The following LRP1B variants were observed in gnomAD, a reference collection of about 807,000 sequenced individuals.
LRP1B encodes low-density lipoprotein receptor-related protein 1B.
A neutral mutation model predicts 556.6 loss-of-function variants in LRP1B; 217 were observed. That is an observed-to-expected ratio of 0.39 (90% confidence interval 0.35 to 0.44). The LOEUF is 0.44. LRP1B is among the 20% of genes least tolerant of loss of function. LRP1B has a pLI of 1.00. For missense variants in LRP1B, 5,053 were observed against 5,620.8 expected, an observed-to-expected ratio of 0.90 and a Z score of 3.23; for synonymous variants, 2,047 against 1,865.8, an observed-to-expected ratio of 1.10 and a Z score of -2.50.
At chr2:140,948,042 A>T (rs374520502) in intron 20 of LRP1B, among the ~76,000 whole-genome samples, 2 of 152,204 alleles carry the variant, frequency 1.3e-5, no homozygotes, top group Non-Finnish European at 2.9e-5. Context: ...GCCTACAAAG[A>T]GGTGTGCCAC....
intron 2 of LRP1B, among the ~76,000 whole-genome samples, chr2:141,522,968 T>C (rs1051065105): frequency 2.6e-5 from 4 of 152,126 alleles, no homozygotes; most frequent in African/African-American, 9.7e-5. Context: ...ATCAGTATTT[T>C]TCAGGCTTCA....
At chr2:141,420,279 T>C (rs369070263) in intron 3 of LRP1B, among the ~76,000 whole-genome samples, 7 of 152,186 alleles carry the variant, frequency 4.6e-5, no homozygotes, top group Admixed American at 1.3e-4. Flanking sequence ...TATGAGACGG[T>C]GTTTGACTCA....
chr2:141,917,683 A>G (rs1700075438), intron 1 of LRP1B, among the ~76,000 whole-genome samples: 1 of 152,188 alleles, frequency 6.6e-6, no homozygotes, highest in Non-Finnish European at 1.5e-5. Flanking sequence ...TACATTAACC[A>G]CTATCTACTG....
rs758447229 is a variant in LRP1B at position 141,949,339 on chromosome 2, T to C, written c.83-138938A>G. On this transcript the variant is annotated intron_variant, in intron 1 of 90. Transcript: ENST00000389484. The stretch of plus-strand genomic sequence containing the variant: ...TTCAGAAATTCACCAAAATGTATTG[T>C]AAATTCATTGTGTAGGCATGGATTT... Among the ~76,000 whole-genome samples the C allele has an allele frequency of 5.5e-4, 84 of 152,346 alleles. 1 individual carries two copies. Among genetic ancestry groups the C allele is most frequent in the Middle Eastern group, 6.8e-3 (2 of 294 alleles).
chr2:141,079,854 T>C (rs1699881955), intron 7 of LRP1B, among the ~76,000 whole-genome samples: 7 of 152,192 alleles, frequency 4.6e-5, no homozygotes, highest in Admixed American at 3.3e-4. Flanking sequence ...TAAATCGTTT[T>C]GAATCCAGCA....
chr2:141,610,378 C>T (rs890260861), intron 2 of LRP1B, among the ~76,000 whole-genome samples: 1 of 144,582 alleles, frequency 6.9e-6, no homozygotes, highest in Admixed American at 6.9e-5. Flanking sequence ...TTTTTGCTCA[C>T]TGTGATCTAG....
chr2:141,353,842 C>T (rs1688529908), intron 3 of LRP1B, among the ~76,000 whole-genome samples: 1 of 151,880 alleles, frequency 6.6e-6, no homozygotes, highest in Non-Finnish European at 1.5e-5. Flanking sequence ...TTCATTGATT[C>T]ACTATCCTAA....
At chr2:141,275,678 A>G (rs1396654613) in intron 3 of LRP1B, among the ~76,000 whole-genome samples, 1 of 152,184 alleles carries the variant, frequency 6.6e-6, no homozygotes, top group African/African-American at 2.4e-5. Flanking sequence ...GCGCCACTGC[A>G]CTCTAGGATG....
chr2:140,239,580 A>T, intron 87 of LRP1B, 48 bp from the exon 88 acceptor site: 1 of 1,233,206 alleles, frequency 8.1e-7, no homozygotes, highest in Non-Finnish European at 1.2e-6. Context: ...AAAATGAAGT[A>T]AAAATTGATA....
At chr2:140,765,490 A>G in intron 35 of LRP1B, among the ~76,000 whole-genome samples, 1 of 152,168 alleles carries the variant, frequency 6.6e-6, no homozygotes, top group South Asian at 2.1e-4. Context: ...TTAAAGCATC[A>G]AATGCAGTAT....
intron 2 of LRP1B, among the ~76,000 whole-genome samples, chr2:141,577,784 G>T (rs887252638): frequency 6.6e-6 from 1 of 152,162 alleles, no homozygotes; most frequent in Non-Finnish European, 1.5e-5. Flanking sequence ...TGCTTCTAAA[G>T]CATGATTACT....
intron 43 of LRP1B, among the ~76,000 whole-genome samples, chr2:140,550,427 C>A (rs775711921): frequency 6.6e-6 from 1 of 152,112 alleles, no homozygotes; most frequent in Non-Finnish European, 1.5e-5. Flanking sequence ...CCCCAAACTT[C>A]AACCTTTTTA....
chr2:140,733,989 C>T (rs969706518), intron 35 of LRP1B, among the ~76,000 whole-genome samples: 5 of 152,122 alleles, frequency 3.3e-5, no homozygotes, highest in South Asian at 2.1e-4. Flanking sequence ...CCTGGGAATA[C>T]TCCTGCTTAA....
At chr2:140,305,088 G>A (rs1684009315) in intron 83 of LRP1B, among the ~76,000 whole-genome samples, 1 of 152,164 alleles carries the variant, frequency 6.6e-6, no homozygotes, top group Non-Finnish European at 1.5e-5. Flanking sequence ...GTCAGGTAGT[G>A]TGATGCCTCC....
intron 1 of LRP1B, among the ~76,000 whole-genome samples, chr2:141,928,298 T>A (rs1477215318): frequency 6.6e-6 from 1 of 152,146 alleles, no homozygotes; most frequent in Non-Finnish European, 1.5e-5. Flanking sequence ...AATAGAGAGG[T>A]TTTTATTTAT....
chr2:140,411,386 A>G (rs544097985), intron 66 of LRP1B, among the ~76,000 whole-genome samples: 1 of 152,266 alleles, frequency 6.6e-6, no homozygotes, highest in African/African-American at 2.4e-5. Context: ...TCATTAAGAT[A>G]ATTTAAACAA....
rs534771547 is a variant in LRP1B at position 141,285,353 on chromosome 2, C to T, written c.344-30712G>A. On this transcript the variant is annotated intron_variant, in intron 3 of 90. Coordinates refer to ENST00000389484, the MANE Select transcript of LRP1B (RefSeq NM_018557.3). ...CCACCCGCCTCGGCCTCCCAAAGTG[C>T]TGGGATTACAGGCGTGAGCTACCAC... 3.0e-4 allele frequency among the ~76,000 whole-genome samples: 45 copies of T among 151,800 alleles called. 1 individual carries two copies. In the South Asian group the frequency reaches 9.1e-3, roughly 31 times the overall value.
intron 2 of LRP1B, among the ~76,000 whole-genome samples, chr2:141,723,598 T>C (rs1241324878): frequency 1.3e-5 from 2 of 151,792 alleles, no homozygotes; most frequent in Non-Finnish European, 2.9e-5. Flanking sequence ...TAACTGTATA[T>C]GTTGCTATCT....
rs80090965 is a variant in LRP1B, at chr2:141,556,243, C to A, written c.206-75710G>T. Among the ~76,000 whole-genome samples, 27 of 151,958 alleles carry A rather than the reference C, an allele frequency of 1.8e-4. No individual in the cohort carries two copies. In the East Asian group the frequency reaches 2.7e-3, roughly 15 times the overall value. Reference sequence around the variant, plus strand: ...AGCTGTACTTCCTTGTAAGAATGTACGGGCATTGAAGCACTGACACTGAAC... The same window carrying A: ...AGCTGTACTTCCTTGTAAGAATGTAAGGGCATTGAAGCACTGACACTGAAC... On this transcript the variant is annotated intron_variant, in intron 2 of 90. Transcript: ENST00000389484.
Sources: allele counts gnomAD v4.1 joint callset (sites outside exome capture counted in the v4.1 genomes callset), GRCh38; gene constraint gnomAD v4.1.1; transcripts MANE v1.5; gene names NCBI Gene and HGNC (gene_info 2026-07-23, HGNC 2026-07-21).